Variants in TRIM44 observed in about 807,000 individuals in gnomAD.
TRIM44 encodes tripartite motif containing 44.
In TRIM44, 13 loss-of-function variants were observed where a neutral mutation model predicts 37.4. The observed-to-expected ratio is 0.35, with a 90% CI of 0.23 to 0.55. The LOEUF is 0.55. Ranked by LOEUF, TRIM44 falls within the 20% of genes least tolerant of loss-of-function variation. The probability of loss-of-function intolerance (pLI) is 0.89; values close to 1 mark genes in which losing one functional copy is unlikely to be tolerated. For synonymous variants in TRIM44, 175 were observed against 157.2 expected, an observed-to-expected ratio of 1.11 and a Z score of -0.85; for missense variants, 426 against 437.2, an observed-to-expected ratio of 0.97 and a Z score of 0.23.
Position 35,806,641 on chromosome 11 carries a change from T to A in TRIM44, c.*256T>A. On this transcript the variant is annotated 3_prime_UTR_variant, in exon 5 of 5. Coordinates refer to ENST00000299413, the MANE Select transcript of TRIM44 (RefSeq NM_017583.6). ...ATCCACCAGGAGCAATTAAGAAAGG[T>A]CCTTCAGGTAATCCCTCAATGGCTG... 1 of 466,638 alleles carries A rather than the reference T, an allele frequency of 2.1e-6. No individual in the cohort carries two copies. The highest frequency in any genetic ancestry group is 3.8e-6 in the Non-Finnish European group (1 of 261,922). 28.9% of individuals were successfully genotyped at this position (466,638 alleles called of 1,614,324 possible). A position where few individuals can be genotyped will look rare whatever the true frequency, so the allele number is the denominator to read the frequency against.
At chr11:35,727,941 G>T (rs1469065190) in intron 3 of TRIM44, among the ~76,000 whole-genome samples, 1 of 152,166 alleles carries the variant, frequency 6.6e-6, no homozygotes, top group Non-Finnish European at 1.5e-5. Flanking sequence ...TTAATTCAAG[G>T]GATCGACAGC....
chr11:35,672,601 C>A lies in TRIM44; in HGVS notation c.669+8821C>A, dbSNP rs145275965. On this transcript the variant is annotated intron_variant, in intron 1 of 4. Coordinates refer to ENST00000299413, the MANE Select transcript of TRIM44 (RefSeq NM_017583.6). ...GGAGAATGTTTGGTTAAGTGATAAG[C>A]GGAACAACTGCTTGGGGAGTGACTG... Among the ~76,000 whole-genome samples the A allele has an allele frequency of 1.8e-3, 278 of 152,106 alleles. 2 individuals carry two copies. The highest frequency in any genetic ancestry group is 6.4e-3 in the African/African-American group (267 of 41,498).
At chr11:35,779,389 C>T (rs1222644319) in intron 4 of TRIM44, among the ~76,000 whole-genome samples, 3 of 152,174 alleles carry the variant, frequency 2.0e-5, no homozygotes, top group Non-Finnish European at 4.4e-5. Context: ...ACCCCTTGTG[C>T]TCCCTGGGTG....
intron 2 of TRIM44, among the ~76,000 whole-genome samples, chr11:35,711,766 C>T (rs1207756085): frequency 1.3e-5 from 2 of 152,016 alleles, no homozygotes; most frequent in East Asian, 3.9e-4. Context: ...AAAAAAAGTG[C>T]AGAGTACAGC....
intron 4 of TRIM44, among the ~76,000 whole-genome samples, chr11:35,742,503 T>A (rs1387919236): frequency 7.7e-6 from 1 of 129,872 alleles, no homozygotes; most frequent in Non-Finnish European, 1.6e-5. Context: ...TATAATTATA[T>A]TAAATATAAT....
chr11:35,723,488 A>G (rs1347489014), intron 2 of TRIM44, among the ~76,000 whole-genome samples: 1 of 152,236 alleles, frequency 6.6e-6, no homozygotes, highest in Non-Finnish European at 1.5e-5. Context: ...TAATTAGAGA[A>G]TGAGAGTGGG....
rs372183744 is a variant in TRIM44, at chr11:35,663,822, C to A, written c.669+42C>A. 1.1e-4 allele frequency: 164 copies of A among 1,556,924 alleles called. No homozygotes were observed. The South Asian group carries it at 1.3e-3, about 12-fold the overall frequency. Reference sequence around the variant, plus strand: ...CAGAGCATAAACCTAGGGGTCAGGACACCTGGGTTTCAACTCAGGTGGCCT... The same window carrying A: ...CAGAGCATAAACCTAGGGGTCAGGAAACCTGGGTTTCAACTCAGGTGGCCT... On this transcript the variant is annotated intron_variant, in intron 1 of 4. Transcript: ENST00000299413.
intron 4 of TRIM44, among the ~76,000 whole-genome samples, chr11:35,772,946 C>G (rs1852893377): frequency 1.3e-5 from 2 of 152,130 alleles, no homozygotes; most frequent in South Asian, 4.2e-4. Flanking sequence ...TGTCCCCATG[C>G]AAATCTCATC....
chr11:35,735,333 T>G, intron 3 of TRIM44, 93 bp from the exon 4 acceptor site: 1 of 1,229,610 alleles, frequency 8.1e-7, no homozygotes. Flanking sequence ...GTCCATGCAT[T>G]CAGGTTGGGA....
intron 4 of TRIM44, among the ~76,000 whole-genome samples, chr11:35,755,772 C>T (rs2133856035): frequency 6.6e-6 from 1 of 152,228 alleles, no homozygotes; most frequent in Admixed American, 6.5e-5. Flanking sequence ...ATCCTTTCCC[C>T]ATTGCTTGTT....
intron 2 of TRIM44, among the ~76,000 whole-genome samples, chr11:35,704,556 G>T (rs551722142): frequency 2.1e-4 from 32 of 152,264 alleles, no homozygotes; most frequent in South Asian, 2.1e-3. Flanking sequence ...GACTAACAGC[G>T]GATCTCTCGG....
chr11:35,757,616 G>A (rs1852662600), intron 4 of TRIM44, among the ~76,000 whole-genome samples: 1 of 152,114 alleles, frequency 6.6e-6, no homozygotes, highest in African/African-American at 2.4e-5. Flanking sequence ...GATCTTTTCT[G>A]CTTTCTCTTG....
intron 2 of TRIM44, among the ~76,000 whole-genome samples, chr11:35,699,404 C>T (rs1015888026): frequency 6.6e-6 from 1 of 152,094 alleles, no homozygotes; most frequent in Non-Finnish European, 1.5e-5. Flanking sequence ...ATTCAACAAC[C>T]CTTCATGCTG....
At chr11:35,685,391 T>A (rs981881895) in intron 2 of TRIM44, 55 bp downstream of exon 2, 2 of 1,477,326 alleles carry the variant, frequency 1.4e-6, no homozygotes, top group Middle Eastern at 1.7e-4. Flanking sequence ...TTCATTCTCC[T>A]TGAGCTAAAA....
chr11:35,805,403 C>CA, intron 4 of TRIM44, among the ~76,000 whole-genome samples: 1 of 152,204 alleles, frequency 6.6e-6, no homozygotes, highest in South Asian at 2.1e-4. Context: ...CTCCTTGCCC[C>CA]AGTCCCTGTA....
chr11:35,734,596 T>C (rs2135520409), intron 3 of TRIM44, among the ~76,000 whole-genome samples: 1 of 152,292 alleles, frequency 6.6e-6, no homozygotes, highest in South Asian at 2.1e-4. Flanking sequence ...AAAGATACGC[T>C]GACACCAAAA....
chr11:35,739,437 C>T (rs1378758317), intron 4 of TRIM44, among the ~76,000 whole-genome samples: 3 of 152,146 alleles, frequency 2.0e-5, no homozygotes, highest in African/African-American at 7.2e-5. Flanking sequence ...CTCTGTGACC[C>T]TATACAAAAG....
intron 4 of TRIM44, among the ~76,000 whole-genome samples, chr11:35,752,122 A>G (rs1852565982): frequency 4.6e-5 from 7 of 151,458 alleles, no homozygotes; most frequent in Admixed American, 4.6e-4. Context: ...GTCTCAGGCC[A>G]GTAGCCGAGG....
intron 1 of TRIM44, among the ~76,000 whole-genome samples, chr11:35,664,360 C>T (rs750830192): frequency 2.6e-5 from 4 of 152,216 alleles, no homozygotes; most frequent in African/African-American, 4.8e-5. Flanking sequence ...GTTCCCATGT[C>T]CTCTGTCTGG....
Sources: allele counts gnomAD v4.1 joint callset (sites outside exome capture counted in the v4.1 genomes callset), GRCh38; gene constraint gnomAD v4.1.1; transcripts MANE v1.5; gene names NCBI Gene and HGNC (gene_info 2026-07-23, HGNC 2026-07-21).